Variants in TRAPPC8 observed in about 807,000 individuals in gnomAD.
TRAPPC8 encodes the protein general sporulation gene 1 homolog.
In TRAPPC8, 54 loss-of-function variants were observed where a neutral mutation model predicts 174.3. That is an observed-to-expected ratio of 0.31 (90% confidence interval 0.25 to 0.39). The LOEUF (loss-of-function observed/expected upper bound fraction) is 0.39, where lower values mean the gene tolerates loss of function less well. Ranked by LOEUF, TRAPPC8 falls within the 10% of genes least tolerant of loss-of-function variation. TRAPPC8 has a pLI of 1.00. For synonymous variants in TRAPPC8, 630 were observed against 579.9 expected, an observed-to-expected ratio of 1.09 and a Z score of -1.24; for missense variants, 1,531 against 1,699.1, an observed-to-expected ratio of 0.90 and a Z score of 1.74.
Position 31,857,996 on chromosome 18 carries a change from A to G in TRAPPC8, c.2746-14T>C. The stretch of plus-strand genomic sequence containing the variant: ...TATAAAGAACACCTGCATTGGAGGG[A>G]AAAAATATTATTATTTGTCTGTTAA... On this transcript the variant is annotated splice_polypyrimidine_tract_variant and intron_variant, in intron 19 of 28. Coordinates refer to ENST00000283351, the MANE Select transcript of TRAPPC8 (RefSeq NM_014939.5). The G allele has an allele frequency of 6.4e-7, 1 of 1,557,180 alleles. No homozygotes were observed. The highest frequency in any genetic ancestry group is 8.7e-7 in the Non-Finnish European group (1 of 1,154,644).
chr18:31,916,572 G>C, intron 3 of TRAPPC8, 126 bp from the exon 4 acceptor site: 5 of 975,202 alleles, frequency 5.1e-6, no homozygotes, highest in Non-Finnish European at 5.7e-6. Flanking sequence ...TCACTCTGTA[G>C]CCCAGGCTGG....
In TRAPPC8 at chr18:31,900,973, G is replaced by A; in HGVS notation, c.1442C>T (p.Pro481Leu). ...FLQPGAPRPY[P>L]AHYMDTAIQT... ...AATTGCTGTATCCATGTAATGAGCA[G>A]GATATGGCCTAGGTGCTCCTGGTTG... Residue 481 changes from proline to leucine, a missense_variant, in exon 10 of 29, where the codon CCT becomes CTT. By Grantham distance (98) the Pro-to-Leu change is moderately conservative (BLOSUM62 -3). Coordinates refer to ENST00000283351, the MANE Select transcript of TRAPPC8 (RefSeq NM_014939.5). 1 of 1,592,582 alleles carries A rather than the reference G, an allele frequency of 6.3e-7. No individual in the cohort carries two copies. Among genetic ancestry groups the A allele is most frequent in the Non-Finnish European group, 8.5e-7 (1 of 1,174,036 alleles).
At position 31,889,316 on chromosome 18, in the gene TRAPPC8, T is replaced by C. The variant is rs539165423; in HGVS notation, c.1728+1419A>G. ...TATTTCCTAGAAGCAATATGCTCTATAATCTGGGAAGGCAGATACAAGCAG... is the reference window on the plus strand; with the variant it reads ...TATTTCCTAGAAGCAATATGCTCTACAATCTGGGAAGGCAGATACAAGCAG... On this transcript the variant is annotated intron_variant, in intron 12 of 28. Coordinates refer to ENST00000283351, the MANE Select transcript of TRAPPC8 (RefSeq NM_014939.5). Among the ~76,000 whole-genome samples the C allele has an allele frequency of 2.6e-5, 4 of 152,354 alleles. No homozygotes were observed. In the South Asian group the frequency reaches 6.2e-4, roughly 24 times the overall value.
At chr18:31,834,319 A>T (rs563785607) in intron 27 of TRAPPC8, among the ~76,000 whole-genome samples, 87 of 152,156 alleles carry the variant, frequency 5.7e-4, no homozygotes, top group African/African-American at 1.7e-3. Flanking sequence ...CATGTTGACT[A>T]GGCTGGTCTT....
chr18:31,836,907 G>A (rs949641121), intron 27 of TRAPPC8, among the ~76,000 whole-genome samples: 1 of 151,820 alleles, frequency 6.6e-6, no homozygotes, highest in Non-Finnish European at 1.5e-5. Flanking sequence ...GACTACAGGT[G>A]CCCGCCACCA....
chr18:31,935,548 T>TGGAAAAAAAAAAAAAAAAAAA (rs745488703), intron 1 of TRAPPC8, among the ~76,000 whole-genome samples: 1 of 46,286 alleles, frequency 2.2e-5, no homozygotes, highest in South Asian at 8.2e-4. Flanking sequence ...AACTCCATCT[T>TGGAAAAAAAAAAAAAAAAAAA]AAAAAAAAAA....
At chr18:31,881,156 A>T (rs894415685) in intron 12 of TRAPPC8, among the ~76,000 whole-genome samples, 1 of 152,186 alleles carries the variant, frequency 6.6e-6, no homozygotes, top group African/African-American at 2.4e-5. Flanking sequence ...TAAAATTCAT[A>T]TGGAACCAAA....
intron 27 of TRAPPC8, among the ~76,000 whole-genome samples, chr18:31,835,481 A>G (rs562386258): frequency 1.3e-5 from 2 of 152,286 alleles, no homozygotes; most frequent in East Asian, 3.9e-4. Flanking sequence ...CTTCAGTACT[A>G]TTCAAAACTC....
intron 24 of TRAPPC8, 103 bp downstream of exon 24, chr18:31,852,343 A>T: frequency 7.7e-7 from 1 of 1,296,914 alleles, no homozygotes; most frequent in Non-Finnish European, 1.1e-6. Context: ...TCTCCCCCCC[A>T]AAAAAAAGCG....
At chr18:31,939,800 G>C (rs1363636177) in intron 1 of TRAPPC8, 2 of 152,116 alleles carry the variant, frequency 1.3e-5, no homozygotes, top group African/African-American at 4.8e-5. Flanking sequence ...GGCTGCAGTG[G>C]GTGAGGGAGC....
chr18:31,924,462 GA>G (rs1183461154), intron 2 of TRAPPC8, among the ~76,000 whole-genome samples: 2,654 of 96,842 alleles, frequency 0.027, 42 homozygotes, highest in African/African-American at 0.064. Flanking sequence ...CCTCCCCACC[GA>G]AAAAAAAAAA....
intron 26 of TRAPPC8, among the ~76,000 whole-genome samples, chr18:31,842,238 C>A (rs1355824108): frequency 6.6e-6 from 1 of 152,200 alleles, no homozygotes; most frequent in Non-Finnish European, 1.5e-5. Flanking sequence ...TTTAATCTCA[C>A]TATTTTCTCA....
At chr18:31,908,466 T>C in intron 7 of TRAPPC8, 48 bp from the exon 8 acceptor site, 1 of 1,296,096 alleles carries the variant, frequency 7.7e-7, no homozygotes, top group Non-Finnish European at 1.0e-6. Context: ...ATTTAGTATT[T>C]TTCCTTTACA....
intron 21 of TRAPPC8, among the ~76,000 whole-genome samples, chr18:31,854,830 G>C (rs923026975): frequency 6.6e-6 from 1 of 151,470 alleles, no homozygotes; most frequent in African/African-American, 2.4e-5. Context: ...TTAGCCGGGC[G>C]TGGTGGGTGC....
At chr18:31,909,546 G>T (rs2036819067) in intron 6 of TRAPPC8, 121 bp downstream of exon 6, 2 of 1,427,156 alleles carry the variant, frequency 1.4e-6, no homozygotes, top group Non-Finnish European at 9.1e-7. Flanking sequence ...AAACTAACCT[G>T]CCCAATATCT....
intron 24 of TRAPPC8, among the ~76,000 whole-genome samples, chr18:31,850,985 C>T (rs976556606): frequency 2.6e-5 from 4 of 152,092 alleles, no homozygotes; most frequent in African/African-American, 9.7e-5. Flanking sequence ...GAAAGTAATG[C>T]ATATTTTGAA....
intron 4 of TRAPPC8, among the ~76,000 whole-genome samples, chr18:31,914,773 G>C (rs1261699480): frequency 6.6e-6 from 1 of 152,088 alleles, no homozygotes; most frequent in African/African-American, 2.4e-5. Flanking sequence ...AAGCTCCAAA[G>C]CCATGCAAGT....
intron 5 of TRAPPC8, among the ~76,000 whole-genome samples, chr18:31,910,238 C>T (rs753289102): frequency 1.1e-4 from 17 of 152,008 alleles, no homozygotes; most frequent in Non-Finnish European, 2.1e-4. Context: ...AAATATCTAA[C>T]GCAACGTTTA....
intron 14 of TRAPPC8, among the ~76,000 whole-genome samples, chr18:31,871,899 G>A (rs1193999160): frequency 6.6e-6 from 1 of 151,956 alleles, no homozygotes; most frequent in Non-Finnish European, 1.5e-5. Context: ...GAGAAACGTT[G>A]ATTAAATTCA....
Sources: gnomAD v4.1 joint callset for allele counts (sites outside exome capture counted in the v4.1 genomes callset) on GRCh38, gnomAD v4.1.1 for gene constraint, MANE v1.5 for transcripts, NCBI Gene and HGNC (gene_info 2026-07-23, HGNC 2026-07-21) for gene names.